LOC122539214: variants seen among roughly 807,000 people sequenced by gnomAD.
At chr19:52,678,172 G>C in the LOC122539214 span, among the ~76,000 whole-genome samples, 1 of 151,982 alleles carries the variant, frequency 6.6e-6, no homozygotes, top group African/African-American at 2.4e-5. Flanking sequence ...AGAGGATAAG[G>C]CCAGGCTCGG....
chr19:52,672,567 G>A, the LOC122539214 span, among the ~76,000 whole-genome samples: 1 of 152,182 alleles, frequency 6.6e-6, no homozygotes, highest in Non-Finnish European at 1.5e-5. Context: ...AGGCAACATA[G>A]CACCTCATCT....
At chr19:52,687,800 G>A in the LOC122539214 span, among the ~76,000 whole-genome samples, 5 of 148,586 alleles carry the variant, frequency 3.4e-5, no homozygotes, top group Non-Finnish European at 5.9e-5. Flanking sequence ...ACTCCAGCCC[G>A]AGTGATACAG....
At chr19:52,670,196 T>TC in the LOC122539214 span, among the ~76,000 whole-genome samples, 4 of 151,796 alleles carry the variant, frequency 2.6e-5, no homozygotes, top group Admixed American at 6.6e-5. Flanking sequence ...CTCATTCTGA[T>TC]CACCTGCCCC....
At chr19:52,671,718 C>G in the LOC122539214 span, among the ~76,000 whole-genome samples, 1 of 152,180 alleles carries the variant, frequency 6.6e-6, no homozygotes, top group Non-Finnish European at 1.5e-5. Flanking sequence ...GTTGGGGTTA[C>G]AGGCAAGCCA....
chr19:52,688,824 A>C, the LOC122539214 span, among the ~76,000 whole-genome samples: 1 of 152,182 alleles, frequency 6.6e-6, no homozygotes, highest in Non-Finnish European at 1.5e-5. Flanking sequence ...AAATAAAAAG[A>C]AAAGAACAAG....
chr19:52,686,459 C>CATATATATAT, the LOC122539214 span, among the ~76,000 whole-genome samples: 1 of 143,078 alleles, frequency 7.0e-6, no homozygotes, highest in Non-Finnish European at 1.5e-5. Context: ...AAAAAAATTA[C>CATATATATAT]ATATATATAT....
the LOC122539214 span, among the ~76,000 whole-genome samples, chr19:52,688,128 A>G: frequency 6.6e-6 from 1 of 152,080 alleles, no homozygotes; most frequent in Non-Finnish European, 1.5e-5. Flanking sequence ...ACAACTAATC[A>G]TAGCCAATAA....
the LOC122539214 span, among the ~76,000 whole-genome samples, chr19:52,689,887 C>CG: frequency 6.6e-6 from 1 of 152,218 alleles, no homozygotes; most frequent in Non-Finnish European, 1.5e-5. Flanking sequence ...GGACAGGCCC[C>CG]GGGCACCTCC....
the LOC122539214 span, among the ~76,000 whole-genome samples, chr19:52,685,073 C>A: frequency 7.9e-5 from 12 of 152,188 alleles, no homozygotes; most frequent in African/African-American, 2.7e-4. Context: ...TTCTGCTTTT[C>A]TTCATTTTTG....
chr19:52,680,652 G>C, the LOC122539214 span, among the ~76,000 whole-genome samples: 2 of 114,054 alleles, frequency 1.8e-5, no homozygotes, highest in African/African-American at 3.8e-5. Context: ...TCGCTCTGTC[G>C]CCCAGGCTGG....
chr19:52,673,707 G>C, the LOC122539214 span, among the ~76,000 whole-genome samples: 1 of 152,026 alleles, frequency 6.6e-6, no homozygotes, highest in South Asian at 2.1e-4. Context: ...CTGGGTGACA[G>C]AGTGAGACTC....
At chr19:52,683,095 C>G in the LOC122539214 span, among the ~76,000 whole-genome samples, 1 of 152,090 alleles carries the variant, frequency 6.6e-6, no homozygotes, top group Non-Finnish European at 1.5e-5. Context: ...CTCTCAAACT[C>G]CTGACTTCAA....
chr19:52,659,030 A>G, the LOC122539214 span, among the ~76,000 whole-genome samples: 1 of 152,136 alleles, frequency 6.6e-6, no homozygotes. Flanking sequence ...CTGGCAAAGC[A>G]GAATATCTAT....
chr19:52,677,676 G>C, the LOC122539214 span, among the ~76,000 whole-genome samples: 3 of 142,932 alleles, frequency 2.1e-5, no homozygotes, highest in African/African-American at 8.1e-5. Flanking sequence ...GAAGAGTACA[G>C]CAATGGGGGA....
the LOC122539214 span, chr19:52,654,094 A>T: frequency 4.4e-6 from 7 of 1,603,536 alleles, no homozygotes; most frequent in Non-Finnish European, 6.0e-6. Context: ...AAATTCGTGC[A>T]GTTCAGGCAG....
chr19:52,653,924 C>A, the LOC122539214 span: 18 of 1,050,656 alleles, frequency 1.7e-5, no homozygotes, highest in Non-Finnish European at 2.5e-5. Flanking sequence ...CTCATGTGTT[C>A]TTCCTGGATT....
chr19:52,684,106 T>C, the LOC122539214 span, among the ~76,000 whole-genome samples: 2 of 152,070 alleles, frequency 1.3e-5, no homozygotes, highest in African/African-American at 4.8e-5. Flanking sequence ...GCAGGGCTCA[T>C]GCCTGTAATC....
the LOC122539214 span, chr19:52,652,316 G>A: frequency 2.2e-4 from 57 of 259,304 alleles, no homozygotes; most frequent in African/African-American, 1.3e-3. Context: ...CATGCTTGTA[G>A]TCCCAGCTAC....
At chr19:52,679,637 T>C in the LOC122539214 span, among the ~76,000 whole-genome samples, 30 of 152,122 alleles carry the variant, frequency 2.0e-4, no homozygotes, top group African/African-American at 6.5e-4. Context: ...AAAGAAAGCA[T>C]GACAGCTGGA....
Sources: allele counts gnomAD v4.1 joint callset (sites outside exome capture counted in the v4.1 genomes callset), GRCh38; gene constraint gnomAD v4.1.1; transcripts MANE v1.5.